The following EVI5 variants were observed in gnomAD, a reference collection of about 807,000 sequenced individuals.
EVI5 encodes ecotropic viral integration site 5, also known as ecotropic viral integration site 5 protein homolog.
A neutral mutation model predicts 112.0 loss-of-function variants in EVI5; 73 were observed. The ratio of observed to expected loss-of-function variants is 0.65; its 90% CI spans 0.54 to 0.79. The LOEUF (loss-of-function observed/expected upper bound fraction) is 0.79. Ranked by LOEUF, EVI5 falls within the 30% of genes least tolerant of loss-of-function variation. EVI5 has a pLI of 0.00. For synonymous variants in EVI5, 305 were observed against 319.9 expected (o/e 0.95, Z 0.50); for missense variants, 900 against 968.8 (o/e 0.93, Z 0.94).
intron 18 of EVI5, 73 bp downstream of exon 18, chr1:92,605,228 AAAGAGT>A: frequency 1.1e-6 from 1 of 940,606 alleles, no homozygotes; most frequent in South Asian, 1.5e-5. Context: ...TCACGAGGAT[AAAGAGT>A]AAGTTACTGT....
chr1:92,554,902 G>A (rs968120603), intron 19 of EVI5, among the ~76,000 whole-genome samples: 2 of 152,142 alleles, frequency 1.3e-5, no homozygotes, highest in Non-Finnish European at 2.9e-5. Context: ...GATCACTTGA[G>A]CCCAGCAGGT....
intron 13 of EVI5, among the ~76,000 whole-genome samples, chr1:92,656,539 G>GTT (rs1465401731): frequency 6.6e-6 from 1 of 151,624 alleles, no homozygotes; most frequent in Admixed American, 6.6e-5. Context: ...AAAGACCATA[G>GTT]CAGAACTAAA....
Position 92,578,497 on chromosome 1 carries a change from C to T in EVI5, c.2071-14760G>A, listed in dbSNP as rs536929175. ...ATGGGAGGCTGAGGCGGGCGGATTACGAGGTCAGGAGATCGAGACCATCCT... is the reference window on the plus strand; with the variant it reads ...ATGGGAGGCTGAGGCGGGCGGATTATGAGGTCAGGAGATCGAGACCATCCT... On this transcript the variant is annotated intron_variant, in intron 18 of 19. Transcript: ENST00000684568. 1.7e-4 allele frequency among the ~76,000 whole-genome samples: 26 copies of T among 152,058 alleles called. No homozygotes were observed. The South Asian group carries it at 4.6e-3, about 27-fold the overall frequency.
chr1:92,605,257 G>T (rs200887333), intron 18 of EVI5, 50 bp downstream of exon 18: 2 of 1,188,674 alleles, frequency 1.7e-6, no homozygotes, highest in Non-Finnish European at 2.5e-6. Flanking sequence ...AGACAAAGAG[G>T]ATAGAAGAAA....
intron 2 of EVI5, among the ~76,000 whole-genome samples, chr1:92,705,469 C>T (rs938609437): frequency 2.0e-5 from 3 of 152,184 alleles, no homozygotes; most frequent in Admixed American, 2.0e-4. Flanking sequence ...GGACTTTAAT[C>T]TGCTCACTTT....
chr1:92,734,972 T>C (rs893763394), intron 2 of EVI5, among the ~76,000 whole-genome samples: 1 of 152,138 alleles, frequency 6.6e-6, no homozygotes, highest in Non-Finnish European at 1.5e-5. Context: ...AAAAGACTGA[T>C]CATACCAAGT....
intron 18 of EVI5, among the ~76,000 whole-genome samples, chr1:92,597,731 G>A (rs765498920): frequency 5.9e-5 from 9 of 152,118 alleles, no homozygotes; most frequent in Non-Finnish European, 1.2e-4. Flanking sequence ...ACTGAATGAC[G>A]GTTATGTACC....
At chr1:92,723,557 A>G (rs1229745420) in intron 2 of EVI5, among the ~76,000 whole-genome samples, 1 of 152,206 alleles carries the variant, frequency 6.6e-6, no homozygotes, top group East Asian at 1.9e-4. Flanking sequence ...GCATGTCTTT[A>G]CTTTAATCTC....
At chr1:92,773,859 T>C (rs997975165) in intron 1 of EVI5, 1 of 151,770 alleles carries the variant, frequency 6.6e-6, no homozygotes, top group African/African-American at 2.4e-5. Flanking sequence ...ACCCCATCTC[T>C]ATGAGAAAAA....
chr1:92,755,707 C>T (rs1002808599), intron 1 of EVI5: 1 of 152,152 alleles, frequency 6.6e-6, no homozygotes, highest in East Asian at 1.9e-4. Flanking sequence ...TCGCAGCCAA[C>T]TGTCTGCAGC....
At chr1:92,733,056 TAAAAAA>T (rs777890381) in intron 2 of EVI5, 21 of 174,156 alleles carry the variant, frequency 1.2e-4, no homozygotes, top group African/African-American at 5.4e-4. Context: ...CCATTTTATT[TAAAAAA>T]AAAAAAGAAA....
chr1:92,783,808 C>CAAAAAAAAAAAAAAAAA (rs58484805), intron 1 of EVI5, among the ~76,000 whole-genome samples: 3 of 94,306 alleles, frequency 3.2e-5, no homozygotes, highest in African/African-American at 8.2e-5. Context: ...GACTCCCTGT[C>CAAAAAAAAAAAAAAAAA]AAAAAAAAAA....
chr1:92,532,197 C>T (rs556487152), intron 19 of EVI5, among the ~76,000 whole-genome samples: 22 of 152,292 alleles, frequency 1.4e-4, no homozygotes, highest in African/African-American at 5.3e-4. Flanking sequence ...AAAGGCATTA[C>T]ATAATGGTAA....
chr1:92,646,116 G>A (rs1026339120), intron 13 of EVI5, among the ~76,000 whole-genome samples: 2 of 152,090 alleles, frequency 1.3e-5, no homozygotes, highest in Admixed American at 6.6e-5. Context: ...TAAATGTGTC[G>A]AGTTTCTTTG....
At chr1:92,551,424 G>A (rs1286313465) in intron 19 of EVI5, among the ~76,000 whole-genome samples, 1 of 152,104 alleles carries the variant, frequency 6.6e-6, no homozygotes, top group Admixed American at 6.5e-5. Context: ...GTTAGATGAA[G>A]AGTAGGAATA....
chr1:92,575,794 C>T (rs565035802), intron 18 of EVI5, among the ~76,000 whole-genome samples: 1 of 152,036 alleles, frequency 6.6e-6, no homozygotes, highest in Non-Finnish European at 1.5e-5. Flanking sequence ...AAATTCCTGA[C>T]CTCAAGTGAT....
chr1:92,703,500 A>G lies in EVI5; in HGVS notation c.459T>C (p.Pro153=). ...TGTCCCTTCGGATCAATTTTTCACA[A>G]GGCGAGGTCATTTTCAGGAGTTCTG... The part of the protein sequence containing the change: ...QYSELLKMTS[P]CEKLIRRDIA... Residue 153 remains proline (P), a synonymous_variant, in exon 4 of 20, where the codon CCT becomes CCC. Transcript: ENST00000684568. 1 of 1,599,366 alleles carries G rather than the reference A, an allele frequency of 6.3e-7. No homozygotes were observed. The highest frequency in any genetic ancestry group is 8.5e-7 in the Non-Finnish European group (1 of 1,176,376).
At chr1:92,707,809 T>C (rs1369078859) in intron 2 of EVI5, among the ~76,000 whole-genome samples, 1 of 152,186 alleles carries the variant, frequency 6.6e-6, no homozygotes, top group African/African-American at 2.4e-5. Context: ...TAGTTGAAAG[T>C]TCATAGCAGC....
intron 18 of EVI5, among the ~76,000 whole-genome samples, chr1:92,586,571 C>A (rs1454588169): frequency 7.2e-6 from 1 of 138,926 alleles, no homozygotes; most frequent in Non-Finnish European, 1.5e-5. Flanking sequence ...CCCTTCAACA[C>A]ACTCCAATTA....
Sources: gnomAD v4.1 joint callset for allele counts (sites outside exome capture counted in the v4.1 genomes callset) on GRCh38, gnomAD v4.1.1 for gene constraint, MANE v1.5 for transcripts, NCBI Gene and HGNC (gene_info 2026-07-23, HGNC 2026-07-21) for gene names.